The following LRRC37A2 variants were observed in gnomAD, a reference collection of about 807,000 sequenced individuals.
LRRC37A2 encodes leucine-rich repeat-containing protein 37A2.
In LRRC37A2, 9 loss-of-function variants were observed where a neutral mutation model predicts 68.8. That is an observed-to-expected ratio of 0.13 (90% CI 0.08 to 0.23). The LOEUF is 0.23. LRRC37A2 is among the 10% of genes least tolerant of loss of function. LRRC37A2 has a pLI of 1.00. For missense variants in LRRC37A2, 168 were observed against 950.4 expected (o/e 0.18, Z 10.82); for synonymous variants, 63 against 367.6 (o/e 0.17, Z 9.48).
the LRRC37A2 span, among the ~76,000 whole-genome samples, chr17:46,448,647 A>G: frequency 7.3e-6 from 1 of 137,464 alleles, no homozygotes; most frequent in Admixed American, 7.3e-5. Context: ...AATTTGTGCA[A>G]ATTTATGGGA....
At chr17:46,898,172 C>T in the LRRC37A2 span, among the ~76,000 whole-genome samples, 844 of 152,226 alleles carry the variant, frequency 5.5e-3, 9 homozygotes, top group African/African-American at 0.019. Context: ...CATTTTTCAG[C>T]GTTAGGCACT....
chr17:46,918,139 G>A, the LRRC37A2 span, among the ~76,000 whole-genome samples: 1 of 152,212 alleles, frequency 6.6e-6, no homozygotes, highest in Non-Finnish European at 1.5e-5. Context: ...GAGTGCAGCG[G>A]CGCGATCTCA....
chr17:46,768,652 C>T, the LRRC37A2 span: 2 of 1,614,202 alleles, frequency 1.2e-6, no homozygotes, highest in Non-Finnish European at 1.7e-6. The surrounding 1 kb of genome is among the most constrained non-coding windows in gnomAD (Gnocchi z 5.0). Context: ...TGCTTCTCTA[C>T]TACCATCTCC....
the LRRC37A2 span, among the ~76,000 whole-genome samples, chr17:46,910,926 A>T: frequency 6.6e-6 from 1 of 152,196 alleles, no homozygotes; most frequent in Non-Finnish European, 1.5e-5. Context: ...CACGATTCCA[A>T]GCTAAGGAAG....
chr17:46,838,679 T>C, the LRRC37A2 span, among the ~76,000 whole-genome samples: 2 of 152,028 alleles, frequency 1.3e-5, no homozygotes, highest in African/African-American at 2.4e-5. Context: ...AAAGTACATA[T>C]ACACACACAT....
chr17:46,752,003 G>A, the LRRC37A2 span, among the ~76,000 whole-genome samples: 1 of 152,224 alleles, frequency 6.6e-6, no homozygotes, highest in Non-Finnish European at 1.5e-5. Flanking sequence ...AGAAGGGATG[G>A]TGTTGCACCT....
chr17:46,728,779 A>C, the LRRC37A2 span: 3 of 1,118,318 alleles, frequency 2.7e-6, no homozygotes, highest in East Asian at 2.5e-5. Context: ...GATGCAAAAA[A>C]AAAAAACAAA....
the LRRC37A2 span, chr17:46,774,046 T>A: frequency 7.8e-7 from 1 of 1,284,286 alleles, no homozygotes; most frequent in Non-Finnish European, 1.1e-6. Flanking sequence ...ATGTGCTACC[T>A]TTGACCTCGG....
the LRRC37A2 span, chr17:46,948,895 G>C: frequency 6.6e-6 from 1 of 152,352 alleles, no homozygotes; most frequent in African/African-American, 2.4e-5. Context: ...TGACAGATCA[G>C]TCTGGAATTG....
At chr17:46,965,526 C>A in the LRRC37A2 span, among the ~76,000 whole-genome samples, 1 of 152,218 alleles carries the variant, frequency 6.6e-6, no homozygotes, top group Non-Finnish European at 1.5e-5. Flanking sequence ...TGGGCTTCCC[C>A]CTCAACGTGA....
At chr17:46,966,117 C>T in the LRRC37A2 span, among the ~76,000 whole-genome samples, 1 of 152,168 alleles carries the variant, frequency 6.6e-6, no homozygotes, top group Non-Finnish European at 1.5e-5. Flanking sequence ...TCTTCATCAT[C>T]GTCACCAGTA....
the LRRC37A2 span, among the ~76,000 whole-genome samples, chr17:46,783,230 G>A: frequency 3.1e-4 from 47 of 152,318 alleles, no homozygotes; most frequent in African/African-American, 1.1e-3. Flanking sequence ...AAACCATGAA[G>A]GAGCAGCTGC....
chr17:46,836,591 G>A, the LRRC37A2 span, among the ~76,000 whole-genome samples: 1 of 152,342 alleles, frequency 6.6e-6, no homozygotes, highest in Non-Finnish European at 1.5e-5. Context: ...GGAGAAATAA[G>A]TAGGATAATG....
the LRRC37A2 span, among the ~76,000 whole-genome samples, chr17:46,819,624 G>T: frequency 6.6e-6 from 1 of 152,178 alleles, no homozygotes; most frequent in Non-Finnish European, 1.5e-5. This position sits in a 1 kb window ranked among gnomAD's most constrained non-coding sequence, Gnocchi z 5.3. Context: ...CCTCCGGAGC[G>T]CCCCTCACTG....
the LRRC37A2 span, among the ~76,000 whole-genome samples, chr17:46,815,607 C>T: frequency 3.9e-5 from 6 of 152,126 alleles, no homozygotes; most frequent in Non-Finnish European, 8.8e-5. Flanking sequence ...CCCATCTACC[C>T]TACAGCCCCA....
the LRRC37A2 span, among the ~76,000 whole-genome samples, chr17:46,951,970 C>G: frequency 3.9e-5 from 6 of 152,194 alleles, no homozygotes; most frequent in Non-Finnish European, 8.8e-5. Context: ...AACCGTTTTT[C>G]TCTGCATCCT....
At chr17:46,951,016 C>T in the LRRC37A2 span, among the ~76,000 whole-genome samples, 1 of 152,192 alleles carries the variant, frequency 6.6e-6, no homozygotes, top group African/African-American at 2.4e-5. Flanking sequence ...GTGGCCCTCG[C>T]CCCAACTACA....
chr17:46,986,536 G>C, the LRRC37A2 span, among the ~76,000 whole-genome samples: 1 of 152,322 alleles, frequency 6.6e-6, no homozygotes, highest in Non-Finnish European at 1.5e-5. Context: ...AAAAGGAAGA[G>C]AAAGCTCCTT....
chr17:47,026,491 C>G, the LRRC37A2 span, among the ~76,000 whole-genome samples: 985 of 152,246 alleles, frequency 6.5e-3, 8 homozygotes, highest in African/African-American at 0.022. Flanking sequence ...AGAGTGGGAC[C>G]AAGAATTTGC....
Sources: allele counts gnomAD v4.1 joint callset (sites outside exome capture counted in the v4.1 genomes callset), GRCh38; gene constraint gnomAD v4.1.1; non-coding constraint Gnocchi (gnomAD v3.1); transcripts MANE v1.5; gene names NCBI Gene and HGNC (gene_info 2026-07-23, HGNC 2026-07-21).